MIAT: variants seen among roughly 807,000 people sequenced by gnomAD.
MIAT encodes the protein myocardial infarction associated transcript.
chr22:26,649,969 C>T (rs1023178867), intron 2 of MIAT, among the ~76,000 whole-genome samples: 3 of 152,146 alleles, frequency 2.0e-5, no homozygotes, highest in Admixed American at 6.5e-5. Flanking sequence ...TAGGACATGT[C>T]GGGTGTGTCC....
chr22:26,671,251 A>T (rs993322599), downstream of MIAT: 4 of 398,542 alleles, frequency 1.0e-5, no homozygotes, highest in Non-Finnish European at 1.8e-5. Flanking sequence ...GGGAAGCAAC[A>T]TGCTTTTGGG....
At chr22:26,652,810 G>A (rs1930359955) in intron 2 of MIAT, among the ~76,000 whole-genome samples, 1 of 152,194 alleles carries the variant, frequency 6.6e-6, no homozygotes, top group Non-Finnish European at 1.5e-5. Flanking sequence ...TGTTGTCAGT[G>A]TCAGAATTCT....
At chr22:26,664,330 G>T (rs1204124485) in intron 3 of MIAT, among the ~76,000 whole-genome samples, 3 of 152,084 alleles carry the variant, frequency 2.0e-5, no homozygotes, top group Non-Finnish European at 4.4e-5. Flanking sequence ...CCTGTTGCAT[G>T]TCTCAGTAGT....
At chr22:26,662,486 C>G (rs1930710560) in intron 2 of MIAT, among the ~76,000 whole-genome samples, 1 of 152,186 alleles carries the variant, frequency 6.6e-6, no homozygotes, top group South Asian at 2.1e-4. Flanking sequence ...TCCTCTCTCT[C>G]CACTGCAGGG....
chr22:26,652,266 C>T (rs533756039), intron 2 of MIAT, among the ~76,000 whole-genome samples: 10 of 152,320 alleles, frequency 6.6e-5, no homozygotes, highest in African/African-American at 2.4e-4. Flanking sequence ...CCCACCTCAA[C>T]CTGACAAAGC....
At chr22:26,653,519 G>A (rs542840236) in intron 2 of MIAT, among the ~76,000 whole-genome samples, 171 of 152,210 alleles carry the variant, frequency 1.1e-3, no homozygotes, top group African/African-American at 3.8e-3. Flanking sequence ...ATTCCTGTAC[G>A]TAGGCTAGGA....
At chr22:26,649,769 TG>T (rs1467126742) in intron 2 of MIAT, among the ~76,000 whole-genome samples, 2 of 152,048 alleles carry the variant, frequency 1.3e-5, no homozygotes, top group Admixed American at 6.6e-5. Context: ...AAAAATTAGC[TG>T]GGTGTGGTGG....
At chr22:26,666,870 T>C (rs982946604) in exon 4 of MIAT, 3 of 320,414 alleles carry the variant, frequency 9.4e-6, no homozygotes, top group African/African-American at 6.7e-5. Context: ...GATGGGCCTG[T>C]GGGGTCTGTG....
At chr22:26,672,888 C>G, downstream of MIAT, 1 of 398,624 alleles carries the variant, frequency 2.5e-6, no homozygotes, top group Non-Finnish European at 4.4e-6. Flanking sequence ...AGGGACATTT[C>G]TGACACCGGA....
At chr22:26,668,890 C>G (rs1157020930) in exon 6 of MIAT, 1 of 398,626 alleles carries the variant, frequency 2.5e-6, no homozygotes, top group Non-Finnish European at 4.4e-6. Flanking sequence ...GTGCACCATC[C>G]TGAAAAGAGA....
exon 6 of MIAT, chr22:26,668,765 C>T: frequency 2.5e-6 from 1 of 399,396 alleles, no homozygotes; most frequent in Non-Finnish European, 4.4e-6. Context: ...TGGGGCTTTT[C>T]CATGCTTTTC....
intron 2 of MIAT, among the ~76,000 whole-genome samples, chr22:26,653,784 G>T (rs950780784): frequency 7.2e-5 from 11 of 152,164 alleles, no homozygotes; most frequent in African/African-American, 2.7e-4. Flanking sequence ...CTGTTGCCCA[G>T]GTTGGAGTGT....
At chr22:26,672,473 C>A (rs552065286), downstream of MIAT, 19 of 399,430 alleles carry the variant, frequency 4.8e-5, no homozygotes, top group African/African-American at 2.5e-4. Flanking sequence ...CTCCTATGTG[C>A]AGAAGTCTGG....
downstream of MIAT, chr22:26,672,075 A>G: frequency 2.5e-6 from 1 of 399,430 alleles, no homozygotes; most frequent in Non-Finnish European, 4.4e-6. Context: ...CTGCACCCCG[A>G]TCATCCCTTA....
chr22:26,674,881 T>C, exon 5 of MIAT: 1 of 398,752 alleles, frequency 2.5e-6, no homozygotes, highest in East Asian at 3.6e-5. Context: ...CGCTGGGACC[T>C]GCACCTGGGC....
chr22:26,659,301 C>A (rs1020784355), intron 2 of MIAT, among the ~76,000 whole-genome samples: 5 of 152,168 alleles, frequency 3.3e-5, no homozygotes. Context: ...ATTGATCCCA[C>A]TCTAAGTTTG....
intron 5 of MIAT, chr22:26,667,416 A>ATGCGCG (rs1569222729): frequency 3.8e-5 from 5 of 131,444 alleles, no homozygotes; most frequent in Non-Finnish European, 7.6e-5. Context: ...GTGCGCGTGT[A>ATGCGCG]TGTGTGTGTA....
At chr22:26,675,986 A>G (rs1337615959) in exon 5 of MIAT, 3 of 398,566 alleles carry the variant, frequency 7.5e-6, no homozygotes, top group Admixed American at 8.8e-5. Context: ...GGCTGAGCCC[A>G]AGCAGGCACA....
At chr22:26,667,573 C>T in intron 5 of MIAT, 1 of 320,818 alleles carries the variant, frequency 3.1e-6, no homozygotes. Context: ...CATGATGCTC[C>T]TGGAGCTTGC....
Sources: allele counts gnomAD v4.1 joint callset (sites outside exome capture counted in the v4.1 genomes callset), GRCh38; gene constraint gnomAD v4.1.1; transcripts MANE v1.5; gene names NCBI Gene and HGNC (gene_info 2026-07-23, HGNC 2026-07-21).